Variants in CCPG1 observed in about 807,000 individuals in gnomAD.
CCPG1 encodes the protein cell cycle progression 1, also known as cell cycle progression protein 1.
Under a neutral mutation model 81.3 loss-of-function variants are expected in CCPG1, and 46 were observed. The ratio of observed to expected loss-of-function variants is 0.57; its 90% CI spans 0.45 to 0.72. CCPG1 has a LOEUF of 0.72. CCPG1 is among the 30% of genes least tolerant of loss of function. CCPG1 has a pLI of 0.00. For missense variants in CCPG1, 902 were observed against 937.6 expected (o/e 0.96, Z 0.50); for synonymous variants, 330 against 305.2 (o/e 1.08, Z -0.85).
chr15:55,381,232 G>A (rs111771707), intron 3 of CCPG1, among the ~76,000 whole-genome samples: 27,002 of 151,438 alleles, frequency 0.18, 4,174 homozygotes, highest in African/African-American at 0.42. Context: ...TCAGGAGTTC[G>A]AGACCAGAGT....
chr15:55,364,700 G>C lies in CCPG1; in HGVS notation c.828+488C>G, dbSNP rs201416858. ...AGCGTGGCCAACATAGTGAAACCCCGTCTCTACTAAAAATACAAAAAAATT... is the reference window on the plus strand; with the variant it reads ...AGCGTGGCCAACATAGTGAAACCCCCTCTCTACTAAAAATACAAAAAAATT... On this transcript the variant is annotated intron_variant, in intron 7 of 8. Transcript: ENST00000442196. 5.3e-5 allele frequency among the ~76,000 whole-genome samples: 8 copies of C among 150,444 alleles called. 1 individual carries two copies. In the East Asian group the frequency reaches 1.6e-3, roughly 31 times the overall value.
chr15:55,383,918 C>A (rs930216112), intron 3 of CCPG1, among the ~76,000 whole-genome samples: 1 of 152,188 alleles, frequency 6.6e-6, no homozygotes, highest in African/African-American at 2.4e-5. Context: ...TATATGGCTT[C>A]CTTATCATTC....
Position 55,377,122 on chromosome 15 carries a change from C to A in CCPG1, c.281G>T (p.Ser94Ile). ...EAEEQKIPED[S>I]IYIGTASDDS... ...ATCACTGGCAGTTCCAATATAGATA[C>A]TGTCTTCGGGTATCTTTTGTTCCTC... is the stretch of plus-strand genomic sequence containing the variant. The change falls in exon 5 of 9, where the codon AGT (serine) becomes ATT (isoleucine). Residue 94 changes from serine to isoleucine, a missense_variant. Coordinates refer to ENST00000442196, the MANE Select transcript of CCPG1 (RefSeq NM_001204450.2). 1.2e-6 allele frequency: 2 copies of A among 1,613,424 alleles called. No individual in the cohort carries two copies. Among genetic ancestry groups the A allele is most frequent in the Non-Finnish European group, 8.5e-7 (1 of 1,179,438 alleles).
chr15:55,386,115 C>T lies in CCPG1; in HGVS notation c.61-401G>A, dbSNP rs541728260. On this transcript the variant is annotated intron_variant, in intron 2 of 8. Coordinates refer to ENST00000442196, the MANE Select transcript of CCPG1 (RefSeq NM_001204450.2). The stretch of plus-strand genomic sequence containing the variant: ...TATAAAAAATTCAAATCTGGCTGGG[C>T]ACGGTGGCTCACGCCTGTAATCCCA... 3.3e-5 allele frequency among the ~76,000 whole-genome samples: 5 copies of T among 150,592 alleles called. No homozygotes were observed. In the South Asian group the frequency reaches 1.0e-3, roughly 31 times the overall value.
At position 55,360,135 on chromosome 15, in the gene CCPG1, T is replaced by G. The variant is rs1422897592; in HGVS notation, c.1638A>C (p.Glu546Asp). The part of the protein sequence containing the change: ...FKDTTKNIFD[E>D]KGNKRFGATK... ...TAGCACCAAATCTTTTATTACCCTTTTCATCAAAGATATTCTTGGTGGTAT... is the reference window on the plus strand; with the variant it reads ...TAGCACCAAATCTTTTATTACCCTTGTCATCAAAGATATTCTTGGTGGTAT... The change falls in exon 8 of 9, where the codon GAA becomes GAC. Residue 546 changes from glutamate to aspartate, a missense_variant. This residue lies in a region of CCPG1 where 746 missense variants were observed against 728.6 expected (regional missense o/e 1.02). Transcript: ENST00000442196. 1.9e-6 allele frequency: 3 copies of G among 1,613,826 alleles called. No individual in the cohort carries two copies. Among genetic ancestry groups the G allele is most frequent in the South Asian group, 1.1e-5 (1 of 91,010 alleles).
chr15:55,356,108 G>T lies in CCPG1; in HGVS notation c.*112C>A. On this transcript the variant is annotated 3_prime_UTR_variant, in exon 9 of 9. Coordinates refer to ENST00000442196, the MANE Select transcript of CCPG1 (RefSeq NM_001204450.2). ...TATAAAGTTATCAAACTGATACTTA[G>T]AAACAAAAGAAAAGACATTGTCATC... 1 of 821,872 alleles carries T rather than the reference G, an allele frequency of 1.2e-6. No homozygotes were observed. Among genetic ancestry groups the T allele is most frequent in the Non-Finnish European group, 1.9e-6 (1 of 539,916 alleles). The allele number at this position is 821,872 out of a possible 1,614,324, so 50.9% of individuals were successfully genotyped here.
chr15:55,362,606 T>G (rs1280889703), intron 7 of CCPG1, among the ~76,000 whole-genome samples: 1 of 152,190 alleles, frequency 6.6e-6, no homozygotes, highest in Non-Finnish European at 1.5e-5. Flanking sequence ...AGCCACAGGA[T>G]GAAAGAAGAG....
rs531223220 is a variant in CCPG1, at chr15:55,360,935, C to T, written c.838G>A (p.Glu280Lys). 6.5e-7 allele frequency: 1 copy of T among 1,527,892 alleles called. No individual in the cohort carries two copies. Among genetic ancestry groups the T allele is most frequent in the East Asian group, 2.3e-5 (1 of 43,734 alleles). The allele number at this position is 1,527,892 out of a possible 1,614,324, so 94.6% of individuals were successfully genotyped here. The stretch of plus-strand genomic sequence containing the variant: ...AGTGTCCAACACCTTGCAAGATTTT[C>T]TTTCAATGACTACATTTTTTTTTGA... Reference protein sequence around the residue: ...ESFIDYKSLKENLARCWTLTE... With the variant: ...ESFIDYKSLKKNLARCWTLTE... Residue 280 changes from glutamate to lysine, a missense_variant, in exon 8 of 9, where the codon GAA (glutamate) becomes AAA (lysine). This residue lies in a region of CCPG1 where 746 missense variants were observed against 728.6 expected (regional missense o/e 1.02). Coordinates refer to ENST00000442196, the MANE Select transcript of CCPG1 (RefSeq NM_001204450.2).
At chr15:55,394,434 C>G (rs2056978960) in intron 1 of CCPG1, among the ~76,000 whole-genome samples, 1 of 152,154 alleles carries the variant, frequency 6.6e-6, no homozygotes, top group Non-Finnish European at 1.5e-5. Context: ...ATAAGAAAAA[C>G]TGGCTGAAGC....
chr15:55,398,642 C>T (rs529492608), intron 1 of CCPG1, among the ~76,000 whole-genome samples: 4 of 151,722 alleles, frequency 2.6e-5, no homozygotes, highest in South Asian at 4.2e-4. Context: ...AGAGCAGTGG[C>T]GCGATCTCGG....
In CCPG1 at chr15:55,360,900, T is replaced by G; in HGVS notation, c.873A>C (p.Ala291=). The change falls in exon 8 of 9, where the codon GCA becomes GCC. Residue 291 remains alanine, a synonymous_variant. Transcript: ENST00000442196. ...NLARCWTLTE[A]EKMSFETQKT... is the part of the protein sequence containing the mutation. ...TCTGAGTTTCAAAGGACATCTTCTC[T>G]GCTTCAGTAAGTGTCCAACACCTTG... 9.4e-6 allele frequency: 15 copies of G among 1,592,066 alleles called. No homozygotes were observed. The highest frequency in any genetic ancestry group is 1.3e-5 in the Non-Finnish European group (15 of 1,172,956).
chr15:55,377,061 T>G lies in CCPG1; in HGVS notation c.342A>C (p.Leu114Phe), dbSNP rs2056581766. 6.8e-6 allele frequency: 11 copies of G among 1,613,794 alleles called. No individual in the cohort carries two copies. The highest frequency in any genetic ancestry group is 8.5e-6 in the Non-Finnish European group (10 of 1,179,764). ...CAACTTCTTGATTTCCAATTTCTTC[T>G]AACTTAGGTGGCTCAAGGGTAACAA... is the stretch of plus-strand genomic sequence containing the variant. The part of the protein sequence containing the change: ...SDIVTLEPPK[L>F]EEIGNQEVVI... The change falls in exon 5 of 9, where the codon TTA becomes TTC. Residue 114 changes from leucine (L) to phenylalanine (F), a missense_variant. By Grantham distance (22) the Leu-to-Phe change is conservative. Around this residue, in one of 3 missense-constraint regions of CCPG1, gnomAD observed 746 missense variants for 728.6 expected, o/e 1.02. Coordinates refer to ENST00000442196, the MANE Select transcript of CCPG1 (RefSeq NM_001204450.2).
intron 8 of CCPG1, chr15:55,358,307 G>A (rs1312114562): frequency 1.1e-6 from 1 of 880,198 alleles, no homozygotes; most frequent in Non-Finnish European, 1.4e-6. Flanking sequence ...TTCTATCCCT[G>A]GTTTCCAGCA....
rs2057276223 is a variant in CCPG1, at chr15:55,408,199, CTA to C, written c.-10+20_-10+21del. The C allele has an allele frequency of 6.6e-6, 1 of 152,462 alleles. No homozygotes were observed. The highest frequency in any genetic ancestry group is 2.4e-5 in the African/African-American group (1 of 41,482). The allele number at this position is 152,462 out of a possible 1,614,324, so 9.4% of individuals were successfully genotyped here. A position where few individuals can be genotyped will look rare whatever the true frequency, so the allele number is the denominator to read the frequency against. On this transcript the variant is annotated intron_variant, in intron 1 of 8. Transcript: ENST00000442196. ...GTCGGCACAAACCCCCTCCCGGGGT[CTA>C]AGCCCGCCTAGTACAGTACCTGAAG...
chr15:55,356,459 A>C, intron 8 of CCPG1, 50 bp from the exon 9 acceptor site: 1 of 1,404,172 alleles, frequency 7.1e-7, no homozygotes, highest in Non-Finnish European at 9.4e-7. Context: ...CAATGTATTT[A>C]AATTTAAAAC....
Position 55,359,655 on chromosome 15 carries a change from A to C in CCPG1, c.2118T>G (p.Asp706Glu). 2 of 1,613,344 alleles carry C rather than the reference A, an allele frequency of 1.2e-6. No individual in the cohort carries two copies. Among genetic ancestry groups the C allele is most frequent in the Non-Finnish European group, 1.7e-6 (2 of 1,179,800 alleles). ...CATATTCCTTCATGTTTCTAAGATA[A>C]TCTTTAACATCATTAACAAAGTCAG... ...LFTDFVNDVKDYLRNMKEYEV... is the reference protein window; with the variant it reads ...LFTDFVNDVKEYLRNMKEYEV... The change falls in exon 8 of 9, where the codon GAT becomes GAG. Residue 706 changes from aspartate (D) to glutamate (E), a missense_variant. Asp to Glu is a conservative substitution (Grantham distance 45). Coordinates refer to ENST00000442196, the MANE Select transcript of CCPG1 (RefSeq NM_001204450.2).
chr15:55,372,018 C>A lies in CCPG1; in HGVS notation c.481G>T (p.Glu161Ter). 6.2e-7 allele frequency: 1 copy of A among 1,614,008 alleles called. No homozygotes were observed. The highest frequency in any genetic ancestry group is 8.5e-7 in the Non-Finnish European group (1 of 1,179,886). Residue 161 changes from glutamate to a stop codon, truncating the protein, a stop_gained, in exon 6 of 9, where the codon GAA (glutamate) becomes TAA (stop). Transcript: ENST00000442196. LOFTEE classifies it high-confidence loss of function. ...TTACTGGTTTCATCACTACTTGATT[C>A]ATCGTCACTAGGCTGAGATGAAAAT... ...TVFSSQPSDD[E>*]SSSDETSNQP...
chr15:55,391,133 T>C (rs961753290), intron 1 of CCPG1, among the ~76,000 whole-genome samples: 5 of 152,228 alleles, frequency 3.3e-5, no homozygotes, highest in Admixed American at 6.5e-5. Context: ...CTTTTCTTTA[T>C]TTTGAGTGTG....
Position 55,397,023 on chromosome 15 carries a change from A to T in CCPG1, c.-9-7590T>A, listed in dbSNP as rs185458695. 7.2e-5 allele frequency among the ~76,000 whole-genome samples: 11 copies of T among 152,070 alleles called. No individual in the cohort carries two copies. In the East Asian group the frequency reaches 1.9e-3, roughly 27 times the overall value. ...GAGACCATCCTGGCTAACACAGTGA[A>T]ACTCTGTCTCTACAAAAAAACACAA... is the stretch of plus-strand genomic sequence containing the variant. On this transcript the variant is annotated intron_variant, in intron 1 of 8. Coordinates refer to ENST00000442196, the MANE Select transcript of CCPG1 (RefSeq NM_001204450.2).
Sources: allele counts gnomAD v4.1 joint callset (sites outside exome capture counted in the v4.1 genomes callset), GRCh38; gene constraint gnomAD v4.1.1; regional missense constraint gnomAD v4.1.1; transcripts MANE v1.5; gene names NCBI Gene and HGNC (gene_info 2026-07-23, HGNC 2026-07-21).